Variants in SLC71A2 observed in about 807,000 individuals in gnomAD.
SLC71A2 encodes hippocampus abundant transcript-like 1.
the SLC71A2 span, chr9:94,374,985 A>C: frequency 8.5e-7 from 1 of 1,181,976 alleles, no homozygotes; most frequent in Admixed American, 4.5e-5. Context: ...GTGGGGTCGC[A>C]CCCAGGGCCC....
At chr9:94,430,315 C>T in the SLC71A2 span, among the ~76,000 whole-genome samples, 6 of 151,860 alleles carry the variant, frequency 4.0e-5, no homozygotes, top group Admixed American at 1.3e-4. Flanking sequence ...CTCCACCTCC[C>T]GGGTTCGAGT....
At chr9:94,375,545 C>T in the SLC71A2 span, among the ~76,000 whole-genome samples, 1 of 152,036 alleles carries the variant, frequency 6.6e-6, no homozygotes, top group Non-Finnish European at 1.5e-5. Flanking sequence ...CAGGCCTTGT[C>T]TGTGTCAGTG....
chr9:94,402,916 C>A, the SLC71A2 span, among the ~76,000 whole-genome samples: 2 of 152,062 alleles, frequency 1.3e-5, no homozygotes, highest in African/African-American at 4.8e-5. Flanking sequence ...TTTAAAGTTT[C>A]AGTTCAATAG....
chr9:94,460,109 G>A, the SLC71A2 span: 1 of 152,356 alleles, frequency 6.6e-6, no homozygotes, highest in Admixed American at 6.5e-5. Context: ...CAACAACTCA[G>A]ATTCCTGGAC....
the SLC71A2 span, among the ~76,000 whole-genome samples, chr9:94,380,022 C>G: frequency 6.6e-6 from 1 of 152,216 alleles, no homozygotes; most frequent in East Asian, 1.9e-4. Context: ...AATCCCAGCA[C>G]TTTTGGAGGC....
the SLC71A2 span, among the ~76,000 whole-genome samples, chr9:94,380,842 C>T: frequency 2.8e-5 from 2 of 72,696 alleles, 1 homozygote; most frequent in Non-Finnish European, 5.9e-5. Flanking sequence ...GTTTAATTGA[C>T]ATAAAATAAA....
At chr9:94,440,639 G>T in the SLC71A2 span, among the ~76,000 whole-genome samples, 2 of 151,630 alleles carry the variant, frequency 1.3e-5, no homozygotes, top group African/African-American at 4.8e-5. Flanking sequence ...ATCATTTGTT[G>T]TATGTCTTTT....
chr9:94,454,768 T>C, the SLC71A2 span, among the ~76,000 whole-genome samples: 1 of 152,232 alleles, frequency 6.6e-6, no homozygotes, highest in Non-Finnish European at 1.5e-5. Context: ...TATCATTACC[T>C]ATCAGTAACA....
the SLC71A2 span, chr9:94,446,691 ACTTC>A: frequency 2.0e-6 from 1 of 508,462 alleles, no homozygotes; most frequent in South Asian, 3.2e-5. Context: ...TGGTGATAGA[ACTTC>A]CTTTTATTAA....
At chr9:94,427,458 C>A in the SLC71A2 span, among the ~76,000 whole-genome samples, 2 of 151,152 alleles carry the variant, frequency 1.3e-5, no homozygotes, top group African/African-American at 4.9e-5. Flanking sequence ...TTTTGTCATT[C>A]ATCCATAGAT....
the SLC71A2 span, among the ~76,000 whole-genome samples, chr9:94,444,356 G>C: frequency 6.6e-6 from 1 of 152,214 alleles, no homozygotes; most frequent in Non-Finnish European, 1.5e-5. Flanking sequence ...ATCTACAGCT[G>C]TCTAGTCAAA....
the SLC71A2 span, among the ~76,000 whole-genome samples, chr9:94,385,136 A>G: frequency 6.6e-6 from 1 of 151,932 alleles, no homozygotes; most frequent in African/African-American, 2.4e-5. Context: ...AGACTGAGAC[A>G]CTCCCTTGCA....
the SLC71A2 span, among the ~76,000 whole-genome samples, chr9:94,441,368 C>T: frequency 1.3e-5 from 2 of 152,240 alleles, no homozygotes; most frequent in South Asian, 4.1e-4. Flanking sequence ...CTTCACATGA[C>T]TGGAGCAGGA....
At chr9:94,459,314 C>CG in the SLC71A2 span, 2 of 1,614,134 alleles carry the variant, frequency 1.2e-6, no homozygotes, top group Non-Finnish European at 1.7e-6. Context: ...CACCCCAGAA[C>CG]GGGGCAGTGA....
the SLC71A2 span, chr9:94,458,566 A>C: frequency 8.6e-7 from 1 of 1,162,558 alleles, no homozygotes; most frequent in Non-Finnish European, 1.3e-6. Flanking sequence ...GTATGTTACT[A>C]TATTTTATTT....
chr9:94,452,638 TATATATATTCATATATATTC>T, the SLC71A2 span, among the ~76,000 whole-genome samples: 35 of 115,718 alleles, frequency 3.0e-4, no homozygotes, highest in Non-Finnish European at 4.9e-4. Flanking sequence ...TATATTTTCA[TATATATATTCATATATATTC>T]ATATATATTC....
At chr9:94,380,921 C>A in the SLC71A2 span, among the ~76,000 whole-genome samples, 3 of 109,330 alleles carry the variant, frequency 2.7e-5, no homozygotes. Flanking sequence ...TTATCATAAT[C>A]AAGATAGTAA....
chr9:94,450,986 G>A, the SLC71A2 span, among the ~76,000 whole-genome samples: 911 of 152,260 alleles, frequency 6.0e-3, 7 homozygotes, highest in African/African-American at 0.02. Flanking sequence ...CTGGTCTCCA[G>A]TGGTCTTCCA....
the SLC71A2 span, among the ~76,000 whole-genome samples, chr9:94,377,882 G>A: frequency 2.0e-5 from 3 of 152,212 alleles, no homozygotes; most frequent in South Asian, 4.2e-4. Flanking sequence ...TGACGTGGGC[G>A]GATCACAAGG....
Sources: gnomAD v4.1 joint callset for allele counts (sites outside exome capture counted in the v4.1 genomes callset) on GRCh38, gnomAD v4.1.1 for gene constraint, MANE v1.5 for transcripts, NCBI Gene and HGNC (gene_info 2026-07-23, HGNC 2026-07-21) for gene names.